Variants in IGSF21 observed in about 807,000 individuals in gnomAD.
IGSF21 encodes immunoglobin superfamily member 21, also known as immunoglobulin superfamily member 21.
Under a neutral mutation model 46.8 loss-of-function variants are expected in IGSF21, and 28 were observed. That is an observed-to-expected ratio of 0.60 (90% CI 0.44 to 0.82). The LOEUF is 0.82. Ranked by LOEUF, IGSF21 falls within the 40% of genes least tolerant of loss-of-function variation. The pLI, the probability that IGSF21 is intolerant of heterozygous loss-of-function variation, is 0.00. For missense variants in IGSF21, 624 were observed against 665.5 expected (o/e 0.94, Z 0.69); for synonymous variants, 284 against 273.6 (o/e 1.04, Z -0.38).
At chr1:18,194,232 T>C (rs1047605964) in intron 1 of IGSF21, among the ~76,000 whole-genome samples, 1 of 152,236 alleles carries the variant, frequency 6.6e-6, no homozygotes, top group Non-Finnish European at 1.5e-5. Context: ...ACCCTCCTAC[T>C]GAGTTAAAAA....
intron 3 of IGSF21, among the ~76,000 whole-genome samples, chr1:18,325,688 CT>C (rs1174854528): frequency 6.6e-6 from 1 of 152,194 alleles, no homozygotes; most frequent in Non-Finnish European, 1.5e-5. Context: ...CAGAACCCCC[CT>C]GGGGTCTCCT....
At chr1:18,114,610 G>T (rs905242360) in intron 1 of IGSF21, 2 of 152,196 alleles carry the variant, frequency 1.3e-5, no homozygotes, top group Non-Finnish European at 2.9e-5. Context: ...GCCCTGACTA[G>T]ATATCTTAAC....
At chr1:18,292,767 C>A (rs150218062) in intron 3 of IGSF21, among the ~76,000 whole-genome samples, 94 of 152,300 alleles carry the variant, frequency 6.2e-4, no homozygotes, top group African/African-American at 2.1e-3. Flanking sequence ...CAATTCCACC[C>A]ATGGGAGCCC....
chr1:18,147,295 A>C, intron 1 of IGSF21, among the ~76,000 whole-genome samples: 1 of 151,438 alleles, frequency 6.6e-6, no homozygotes, highest in African/African-American at 2.4e-5. Context: ...CTGCTCTCCC[A>C]CCTCACCCTG....
At chr1:18,230,776 C>G (rs1180509409) in intron 2 of IGSF21, among the ~76,000 whole-genome samples, 1 of 152,038 alleles carries the variant, frequency 6.6e-6, no homozygotes. Flanking sequence ...CTCCAGGAGT[C>G]AAGGTCAGGG....
intron 1 of IGSF21, among the ~76,000 whole-genome samples, chr1:18,119,771 T>G (rs2086218660): frequency 6.6e-6 from 1 of 152,122 alleles, no homozygotes; most frequent in East Asian, 1.9e-4. Context: ...GTTTTTTTTT[T>G]TTTCATTGTA....
intron 3 of IGSF21, among the ~76,000 whole-genome samples, chr1:18,295,036 T>A (rs2085299709): frequency 6.6e-6 from 1 of 152,232 alleles, no homozygotes; most frequent in African/African-American, 2.4e-5. Flanking sequence ...CTGAGAAGAT[T>A]ACCAAGAATT....
chr1:18,360,317 T>C (rs889059200), intron 4 of IGSF21, among the ~76,000 whole-genome samples: 1 of 152,226 alleles, frequency 6.6e-6, no homozygotes, highest in Admixed American at 6.5e-5. Context: ...CTCCCATTGT[T>C]TTCTGTGTGC....
At chr1:18,228,288 G>C (rs750778124) in intron 2 of IGSF21, among the ~76,000 whole-genome samples, 4 of 152,188 alleles carry the variant, frequency 2.6e-5, no homozygotes, top group Non-Finnish European at 5.9e-5. Context: ...AAGTTACTGA[G>C]AACACCCTGG....
intron 2 of IGSF21, among the ~76,000 whole-genome samples, chr1:18,247,661 G>A (rs1463101692): frequency 6.6e-6 from 1 of 152,124 alleles, no homozygotes; most frequent in East Asian, 1.9e-4. Context: ...TCTGGCAAGG[G>A]CTGGCAAATA....
Position 18,210,672 on chromosome 1 carries a change from T to G in IGSF21, c.71-17226T>G, listed in dbSNP as rs189834336. 7.7e-4 allele frequency among the ~76,000 whole-genome samples: 117 copies of G among 152,200 alleles called. 2 individuals are homozygous for G. In the East Asian group the frequency reaches 0.016, roughly 20 times the overall value. ...TCTTGTGCTTGGAGCCAGATGACTC[T>G]TGGTTGTGGGGCTGTCCCCGCACTG... On this transcript the variant is annotated intron_variant, in intron 1 of 9. Transcript: ENST00000251296.
At chr1:18,292,661 T>C (rs1381235246) in intron 3 of IGSF21, among the ~76,000 whole-genome samples, 1 of 152,164 alleles carries the variant, frequency 6.6e-6, no homozygotes, top group East Asian at 1.9e-4. Flanking sequence ...TTTTATCCCT[T>C]TGACCCTTAA....
chr1:18,162,662 T>G (rs2086638320), intron 1 of IGSF21, among the ~76,000 whole-genome samples: 1 of 152,236 alleles, frequency 6.6e-6, no homozygotes, highest in African/African-American at 2.4e-5. Context: ...CTTAGGATAT[T>G]TTCAACTTAA....
At chr1:18,310,062 G>T (rs959056600) in intron 3 of IGSF21, among the ~76,000 whole-genome samples, 1 of 152,158 alleles carries the variant, frequency 6.6e-6, no homozygotes, top group East Asian at 1.9e-4. Context: ...CCCGCCTGTG[G>T]CTGCATGTGC....
At chr1:18,116,285 T>C (rs1360634866) in intron 1 of IGSF21, among the ~76,000 whole-genome samples, 1 of 152,160 alleles carries the variant, frequency 6.6e-6, no homozygotes, top group East Asian at 1.9e-4. Context: ...TCCCTGGGTA[T>C]GCCCATCCTT....
At chr1:18,308,181 A>C (rs943467071) in intron 3 of IGSF21, among the ~76,000 whole-genome samples, 1 of 152,098 alleles carries the variant, frequency 6.6e-6, no homozygotes, top group African/African-American at 2.4e-5. Context: ...GTTCCCACAG[A>C]GCTCAGCACA....
In IGSF21 at chr1:18,141,906, C is replaced by CA. The variant is rs1419573893; in HGVS notation, c.70+33714dup. On this transcript the variant is annotated intron_variant, in intron 1 of 9. Transcript: ENST00000251296. ...CACCATAGCAAGACCCCCATTTCTA[C>CA]AAAAAATACAAAAATCAGCCGGGCA... is the stretch of plus-strand genomic sequence containing the variant. Among the ~76,000 whole-genome samples, 7 of 151,968 alleles carry CA rather than the reference C, an allele frequency of 4.6e-5. No homozygotes were observed. In the East Asian group the frequency reaches 9.7e-4, roughly 21 times the overall value.
chr1:18,363,508 G>A (rs1401372596), intron 5 of IGSF21, among the ~76,000 whole-genome samples: 10 of 106,596 alleles, frequency 9.4e-5, no homozygotes, highest in Admixed American at 9.0e-5. Flanking sequence ...GCAGTGGGCA[G>A]GGATGCAGAG....
rs528863625 is a variant in IGSF21, at chr1:18,163,450, A to G, written c.70+55252A>G. Among the ~76,000 whole-genome samples, 15 of 152,234 alleles carry G rather than the reference A, an allele frequency of 9.9e-5. No individual in the cohort carries two copies. The East Asian group carries it at 2.9e-3, about 29-fold the overall frequency. ...TGGATGTATCTGCCTCTAAATCCCA[A>G]TTTCCTTGGCACTTGCCGGGAGGCG... On this transcript the variant is annotated intron_variant, in intron 1 of 9. Coordinates refer to ENST00000251296, the MANE Select transcript of IGSF21 (RefSeq NM_032880.5).
Sources: gnomAD v4.1 joint callset for allele counts (sites outside exome capture counted in the v4.1 genomes callset) on GRCh38, gnomAD v4.1.1 for gene constraint, MANE v1.5 for transcripts, NCBI Gene and HGNC (gene_info 2026-07-23, HGNC 2026-07-21) for gene names.